The following ZYG11B variants were observed in gnomAD, a reference collection of about 807,000 sequenced individuals.
The protein encoded by ZYG11B is protein zyg-11 homolog B.
ZYG11B carries 36 observed loss-of-function variants against 82.4 expected under a neutral mutation model. The ratio of observed to expected loss-of-function variants is 0.44; its 90% CI spans 0.33 to 0.58. ZYG11B has a LOEUF of 0.58. Among genes scored for constraint, ZYG11B ranks in the 20% least tolerant of loss-of-function variants. ZYG11B has a pLI of 0.02. For missense variants in ZYG11B, 552 were observed against 895.6 expected (o/e 0.62, Z 4.90); for synonymous variants, 303 against 312.8 (o/e 0.97, Z 0.33).
intron 2 of ZYG11B, among the ~76,000 whole-genome samples, chr1:52,768,786 G>T (rs1362457822): frequency 1.3e-5 from 2 of 151,996 alleles, no homozygotes; most frequent in Non-Finnish European, 2.9e-5. Flanking sequence ...TAGAAACGCG[G>T]TTTTGCCACG....
intron 1 of ZYG11B, among the ~76,000 whole-genome samples, chr1:52,731,471 A>T (rs929004199): frequency 6.6e-6 from 1 of 152,160 alleles, no homozygotes; most frequent in African/African-American, 2.4e-5. Flanking sequence ...TAGAATACAT[A>T]GCAACAGGAA....
At chr1:52,728,251 A>G (rs2149915092) in intron 1 of ZYG11B, among the ~76,000 whole-genome samples, 1 of 152,334 alleles carries the variant, frequency 6.6e-6, no homozygotes, top group East Asian at 1.9e-4. Context: ...CTACACAGAA[A>G]GAGTGAGTTT....
chr1:52,755,791 CACCACACCCGGCTTT>C (rs1644570863), intron 1 of ZYG11B, among the ~76,000 whole-genome samples: 1 of 151,930 alleles, frequency 6.6e-6, no homozygotes, highest in Admixed American at 6.6e-5. Flanking sequence ...AGGCGTGAGC[CACCACACCCGGCTTT>C]GTTTGTTTTT....
At chr1:52,802,666 AT>A (rs1302352028) in intron 10 of ZYG11B, among the ~76,000 whole-genome samples, 7 of 151,616 alleles carry the variant, frequency 4.6e-5, no homozygotes, top group Non-Finnish European at 7.4e-5. Context: ...ATTTTTGACA[AT>A]TTCTAGGCGA....
chr1:52,803,241 CACACACACATATATAT>C (rs1645106894), intron 10 of ZYG11B, among the ~76,000 whole-genome samples: 5 of 41,000 alleles, frequency 1.2e-4, no homozygotes, highest in African/African-American at 3.5e-4. Flanking sequence ...TATATATATA[CACACACACATATATAT>C]ATATATATAC....
At chr1:52,760,649 G>T (rs1644621673) in intron 2 of ZYG11B, among the ~76,000 whole-genome samples, 1 of 151,648 alleles carries the variant, frequency 6.6e-6, no homozygotes, top group Admixed American at 6.6e-5. Flanking sequence ...GTAGAGACAG[G>T]GTCTTGCCAT....
chr1:52,729,637 C>T (rs991260292), intron 1 of ZYG11B, among the ~76,000 whole-genome samples: 5 of 152,102 alleles, frequency 3.3e-5, no homozygotes, highest in African/African-American at 9.7e-5. Flanking sequence ...GTCAGGAGTT[C>T]GAGACCAGCC....
chr1:52,766,766 T>C (rs1010818531), intron 2 of ZYG11B, among the ~76,000 whole-genome samples: 3 of 152,160 alleles, frequency 2.0e-5, no homozygotes, highest in Admixed American at 2.0e-4. Context: ...CCCAGCACTT[T>C]GGGAGGCCGA....
At position 52,803,185 on chromosome 1, in the gene ZYG11B, T is replaced by C. The variant is rs1471692860; in HGVS notation, c.1695+1046T>C. Among the ~76,000 whole-genome samples, 18 of 76,388 alleles carry C rather than the reference T, an allele frequency of 2.4e-4. 1 individual carries two copies. In the East Asian group the frequency reaches 0.016, roughly 68 times the overall value. 50.1% of individuals were successfully genotyped at this position (76,388 alleles called of 152,430 possible). A position where few individuals can be genotyped will look rare whatever the true frequency, so the allele number is the denominator to read the frequency against. On this transcript the variant is annotated intron_variant, in intron 10 of 13. Coordinates refer to ENST00000294353, the MANE Select transcript of ZYG11B (RefSeq NM_024646.3). ...ATATATATACACACATATATATATA[T>C]ATACACATATATATATATACACACA...
intron 1 of ZYG11B, among the ~76,000 whole-genome samples, chr1:52,733,206 T>C (rs1644348520): frequency 6.6e-6 from 1 of 152,214 alleles, no homozygotes; most frequent in Non-Finnish European, 1.5e-5. Flanking sequence ...TTATCAGATT[T>C]TACTCTGTGG....
intron 4 of ZYG11B, among the ~76,000 whole-genome samples, chr1:52,783,871 C>A (rs374941682): frequency 7.1e-6 from 1 of 140,798 alleles, no homozygotes; most frequent in Non-Finnish European, 1.5e-5. Context: ...TATGTACATA[C>A]ACGTGTGTGT....
intron 1 of ZYG11B, among the ~76,000 whole-genome samples, chr1:52,738,205 T>A (rs187234024): frequency 1.1e-3 from 163 of 152,296 alleles, no homozygotes; most frequent in African/African-American, 3.6e-3. Context: ...TTTTATTAAC[T>A]TTTTCTTTAT....
At chr1:52,805,257 A>G (rs1645132790) in intron 10 of ZYG11B, 2 of 333,912 alleles carry the variant, frequency 6.0e-6, no homozygotes, top group Admixed American at 3.9e-5. Context: ...TATGGGAGGC[A>G]TAGATTAGTG....
chr1:52,803,222 AT>A (rs1645105509), intron 10 of ZYG11B, among the ~76,000 whole-genome samples: 1 of 74,010 alleles, frequency 1.4e-5, no homozygotes, highest in East Asian at 1.8e-3. Flanking sequence ...ATATATATAT[AT>A]ACACACATAT....
chr1:52,783,997 T>TATAGAGAGAG (rs543071878), intron 4 of ZYG11B, among the ~76,000 whole-genome samples: 2,858 of 142,388 alleles, frequency 0.02, 98 homozygotes, highest in African/African-American at 0.074. Flanking sequence ...TATATATATA[T>TATAGAGAGAG]AGAGAGAGAG....
At chr1:52,732,773 A>AT (rs1220858626) in intron 1 of ZYG11B, among the ~76,000 whole-genome samples, 3 of 151,844 alleles carry the variant, frequency 2.0e-5, no homozygotes, top group East Asian at 3.9e-4. Context: ...CAAAAAAAAA[A>AT]GGCCACCCTG....
At position 52,772,171 on chromosome 1, in the gene ZYG11B, A is replaced by G. The variant is rs949476117; in HGVS notation, c.951+397A>G. On this transcript the variant is annotated intron_variant, in intron 3 of 13. Coordinates refer to ENST00000294353, the MANE Select transcript of ZYG11B (RefSeq NM_024646.3). The stretch of plus-strand genomic sequence containing the variant: ...TTTATTTTAGTTAAACAATCATTTT[A>G]TTGCTTGAGTACACAGACAAATTTA... 8.4e-6 allele frequency: 12 copies of G among 1,434,850 alleles called. No homozygotes were observed. The African/African-American group carries it at 1.4e-4, about 17-fold the overall frequency. The allele number at this position is 1,434,850 out of a possible 1,614,324, so 88.9% of individuals were successfully genotyped here.
rs1645312463 is a variant in ZYG11B at position 52,824,928 on chromosome 1, C to A, written c.*3299C>A. ...CTCTCAGTGGCTAGAGGTGCTGTTT[C>A]AAGCACAATTTAGACTAGGGTTGAA... is the stretch of plus-strand genomic sequence containing the variant. On this transcript the variant is annotated 3_prime_UTR_variant, in exon 14 of 14. Coordinates refer to ENST00000294353, the MANE Select transcript of ZYG11B (RefSeq NM_024646.3). The A allele has an allele frequency of 6.6e-6, 1 of 152,000 alleles. No homozygotes were observed. Among genetic ancestry groups the A allele is most frequent in the Non-Finnish European group, 1.5e-5 (1 of 68,016 alleles). 9.4% of individuals were successfully genotyped at this position (152,000 alleles called of 1,614,324 possible).
At chr1:52,738,428 G>A (rs1368317951) in intron 1 of ZYG11B, among the ~76,000 whole-genome samples, 3 of 151,728 alleles carry the variant, frequency 2.0e-5, no homozygotes, top group African/African-American at 7.3e-5. Context: ...TGATCTGCCC[G>A]CCTCGGCCTC....
Sources: allele counts gnomAD v4.1 joint callset (sites outside exome capture counted in the v4.1 genomes callset), GRCh38; gene constraint gnomAD v4.1.1; transcripts MANE v1.5; gene names NCBI Gene and HGNC (gene_info 2026-07-23, HGNC 2026-07-21).